Variants in IQGAP2 observed in about 807,000 individuals in gnomAD.
IQGAP2 encodes the protein IQ motif containing GTPase activating protein 2.
A neutral mutation model predicts 201.3 loss-of-function variants in IQGAP2; 173 were observed. The ratio of observed to expected loss-of-function variants is 0.86; its 90% CI spans 0.76 to 0.98. The LOEUF is 0.98. Ranked by LOEUF, IQGAP2 falls within the 50% of genes least tolerant of loss-of-function variation. The pLI is 0.00. For missense variants in IQGAP2, 1,687 were observed against 1,864.8 expected (o/e 0.90, Z 1.76); for synonymous variants, 675 against 673.9 (o/e 1.00, Z -0.03).
intron 27 of IQGAP2, among the ~76,000 whole-genome samples, chr5:76,675,619 C>T (rs1026116740): frequency 6.6e-6 from 1 of 152,190 alleles, no homozygotes; most frequent in African/African-American, 2.4e-5. Flanking sequence ...TGTTTGTTCT[C>T]ATGTCTGCCA....
At chr5:76,643,999 T>C (rs1002478582) in intron 17 of IQGAP2, among the ~76,000 whole-genome samples, 4 of 151,980 alleles carry the variant, frequency 2.6e-5, no homozygotes, top group Non-Finnish European at 5.9e-5. Context: ...ACACAAGTAT[T>C]CTGTGCATCA....
chr5:76,529,365 C>T (rs1441288050), intron 2 of IQGAP2, among the ~76,000 whole-genome samples: 2 of 152,108 alleles, frequency 1.3e-5, no homozygotes, highest in Admixed American at 1.3e-4. Context: ...CGCAGTGGCT[C>T]ATGCCTGTAA....
At chr5:76,460,274 G>A (rs1303781185) in intron 1 of IQGAP2, among the ~76,000 whole-genome samples, 1 of 152,210 alleles carries the variant, frequency 6.6e-6, no homozygotes, top group Non-Finnish European at 1.5e-5. Flanking sequence ...TGCAGAAGGT[G>A]GGAGAATGGC....
At chr5:76,404,408 A>G (rs1279909301) in intron 1 of IQGAP2, 5 of 950,290 alleles carry the variant, frequency 5.3e-6, no homozygotes, top group Non-Finnish European at 6.3e-6. Flanking sequence ...AACATGTGCC[A>G]GGAAGCATTT....
chr5:76,707,466 G>T lies in IQGAP2; in HGVS notation c.*153G>T, dbSNP rs547265375. 2.0e-5 allele frequency: 12 copies of T among 609,100 alleles called. No homozygotes were observed. Among genetic ancestry groups the T allele is most frequent in the South Asian group, 3.9e-5 (2 of 51,270 alleles). 37.7% of individuals were successfully genotyped at this position (609,100 alleles called of 1,614,324 possible). A position where few individuals can be genotyped will look rare whatever the true frequency, so the allele number is the denominator to read the frequency against. On this transcript the variant is annotated 3_prime_UTR_variant, in exon 36 of 36. Coordinates refer to ENST00000274364, the MANE Select transcript of IQGAP2 (RefSeq NM_006633.5). The stretch of plus-strand genomic sequence containing the variant: ...ACTGTTCTGAAGAATGTACCCAGGT[G>T]CCTTTTTGCTAATTTGATACTATAA...
At chr5:76,460,883 T>C (rs866681894) in intron 1 of IQGAP2, among the ~76,000 whole-genome samples, 98 of 119,240 alleles carry the variant, frequency 8.2e-4, no homozygotes, top group African/African-American at 1.6e-3. Flanking sequence ...TTTTTTTTTT[T>C]CCCTGAGACT....
intron 1 of IQGAP2, among the ~76,000 whole-genome samples, chr5:76,449,679 C>T (rs974640593): frequency 2.6e-5 from 4 of 152,162 alleles, no homozygotes; most frequent in African/African-American, 9.7e-5. Flanking sequence ...ATTTTCCATC[C>T]CTGCCTAGCT....
intron 2 of IQGAP2, among the ~76,000 whole-genome samples, chr5:76,469,095 G>A (rs76718330): frequency 0.021 from 3,199 of 152,288 alleles, 115 homozygotes; most frequent in African/African-American, 0.073. Flanking sequence ...CAGCTAGACT[G>A]CCAGCCTAGC....
intron 2 of IQGAP2, among the ~76,000 whole-genome samples, chr5:76,508,705 T>C (rs77456191): frequency 6.6e-6 from 1 of 151,488 alleles, no homozygotes; most frequent in African/African-American, 2.4e-5. Context: ...GTTTTGTTTT[T>C]TTTTTTTTAA....
chr5:76,447,417 C>A (rs994858036), intron 1 of IQGAP2, among the ~76,000 whole-genome samples: 1 of 152,180 alleles, frequency 6.6e-6, no homozygotes, highest in Non-Finnish European at 1.5e-5. Context: ...ATGGCAACCC[C>A]CTTTGGGTCC....
chr5:76,691,402 G>T (rs1170390799), intron 30 of IQGAP2: 1 of 152,198 alleles, frequency 6.6e-6, no homozygotes, highest in African/African-American at 2.4e-5. Context: ...TTAGTTCTGA[G>T]AATACTATTT....
At chr5:76,587,724 G>A (rs926274110) in intron 5 of IQGAP2, among the ~76,000 whole-genome samples, 1 of 151,842 alleles carries the variant, frequency 6.6e-6, no homozygotes, top group Non-Finnish European at 1.5e-5. Context: ...TGGCAGAGGT[G>A]GGTGGTCAGG....
At position 76,591,598 on chromosome 5, in the gene IQGAP2, T is replaced by A. The variant is rs554478252; in HGVS notation, c.819+1012T>A. On this transcript the variant is annotated intron_variant, in intron 8 of 35. Transcript: ENST00000274364. ...CCAGCATCTGGCAGGGTTGGCCTCCTACCTTGAGATTCTCTGCTTCACTAG... is the reference window on the plus strand; with the variant it reads ...CCAGCATCTGGCAGGGTTGGCCTCCAACCTTGAGATTCTCTGCTTCACTAG... 4.5e-3 allele frequency among the ~76,000 whole-genome samples: 690 copies of A among 152,332 alleles called. 4 individuals carry two copies. Among genetic ancestry groups the A allele is most frequent in the Non-Finnish European group, 8.0e-3 (542 of 68,018 alleles).
In IQGAP2 at chr5:76,438,030, T is replaced by G. The variant is rs200822247; in HGVS notation, c.47-23540T>G. ...GTAGTTTTTTTTTTTTTTTTTTTTTTGTTTGTTTTTTTTTTTGTTTTTTTA... is the reference window on the plus strand; with the variant it reads ...GTAGTTTTTTTTTTTTTTTTTTTTTGGTTTGTTTTTTTTTTTGTTTTTTTA... On this transcript the variant is annotated intron_variant, in intron 1 of 35. Transcript: ENST00000274364. 1.7e-3 allele frequency among the ~76,000 whole-genome samples: 62 copies of G among 35,500 alleles called. 1 individual carries two copies. The highest frequency in any genetic ancestry group is 5.9e-3 in the African/African-American group (61 of 10,358). The allele number at this position is 35,500 out of a possible 152,430, so 23.3% of individuals were successfully genotyped here. A position where few individuals can be genotyped will look rare whatever the true frequency, so the allele number is the denominator to read the frequency against.
At chr5:76,429,408 T>TA (rs1752202923) in intron 1 of IQGAP2, among the ~76,000 whole-genome samples, 2 of 150,904 alleles carry the variant, frequency 1.3e-5, no homozygotes, top group Non-Finnish European at 3.0e-5. Context: ...CCATCTCTAC[T>TA]AAAAATACAA....
At chr5:76,655,193 G>A (rs1365686102) in intron 20 of IQGAP2, among the ~76,000 whole-genome samples, 190 bp downstream of exon 20, 3 of 152,114 alleles carry the variant, frequency 2.0e-5, no homozygotes, top group Admixed American at 2.0e-4. Flanking sequence ...AAGGAAATGG[G>A]CCTTCCTATT....
chr5:76,704,847 C>A (rs953503500), intron 35 of IQGAP2, among the ~76,000 whole-genome samples: 5 of 152,080 alleles, frequency 3.3e-5, no homozygotes, highest in East Asian at 1.9e-4. Flanking sequence ...ATGGCCAGGT[C>A]CTTACTGTGA....
At chr5:76,627,292 T>C in intron 13 of IQGAP2, 118 bp from the exon 14 acceptor site, 1 of 755,472 alleles carries the variant, frequency 1.3e-6, no homozygotes, top group Non-Finnish European at 2.4e-6. Flanking sequence ...CAGAGCTGGA[T>C]AGTTGCTGAT....
chr5:76,474,590 C>A (rs1376317739), intron 2 of IQGAP2, among the ~76,000 whole-genome samples: 1 of 152,106 alleles, frequency 6.6e-6, no homozygotes. Context: ...TGTTTTTTCC[C>A]ATCGTGTGAT....
Sources: gnomAD v4.1 joint callset for allele counts (sites outside exome capture counted in the v4.1 genomes callset) on GRCh38, gnomAD v4.1.1 for gene constraint, MANE v1.5 for transcripts, NCBI Gene and HGNC (gene_info 2026-07-23, HGNC 2026-07-21) for gene names.